RNF144B: variants seen among roughly 807,000 people sequenced by gnomAD.
RNF144B encodes ring finger protein 144B.
A neutral mutation model predicts 40.2 loss-of-function variants in RNF144B; 25 were observed. The observed-to-expected ratio is 0.62, with a 90% CI of 0.45 to 0.87. RNF144B has a LOEUF of 0.87. Ranked by LOEUF, RNF144B falls within the 40% of genes least tolerant of loss-of-function variation. RNF144B has a pLI of 0.00. For missense variants in RNF144B, 365 were observed against 373.7 expected, an observed-to-expected ratio of 0.98 and a Z score of 0.19; for synonymous variants, 145 against 136.3, an observed-to-expected ratio of 1.06 and a Z score of -0.44.
At chr6:18,454,496 A>G (rs757831431) in intron 4 of RNF144B, among the ~76,000 whole-genome samples, 5 of 152,210 alleles carry the variant, frequency 3.3e-5, no homozygotes, top group Non-Finnish European at 5.9e-5. Context: ...CCTAAGGAAT[A>G]AGGACTTCTA....
rs1008143191 is a variant in RNF144B, at chr6:18,466,909, T to C, written c.*1842T>C. ...ACATAGATGAGAACTCTGGGAAAAC[T>C]TGGGAATGGCAACCAACCAAAATCA... On this transcript the variant is annotated 3_prime_UTR_variant, in exon 8 of 8. Transcript: ENST00000259939. 3 of 152,586 alleles carry C rather than the reference T, an allele frequency of 2.0e-5. No homozygotes were observed. The highest frequency in any genetic ancestry group is 7.2e-5 in the African/African-American group (3 of 41,458). 9.5% of individuals were successfully genotyped at this position (152,586 alleles called of 1,614,324 possible). A position where few individuals can be genotyped will look rare whatever the true frequency, so the allele number is the denominator to read the frequency against.
Position 18,460,227 on chromosome 6 carries a change from C to G in RNF144B, c.681+476C>G, listed in dbSNP as rs542846101. Among the ~76,000 whole-genome samples, 2 of 152,186 alleles carry G rather than the reference C, an allele frequency of 1.3e-5. No homozygotes were observed. The highest frequency in any genetic ancestry group is 2.4e-5 in the African/African-American group (1 of 41,450). ...CTGTTTTCTTGCCTTGGAGGCTGTC[C>G]GCTTTCCTTGGCTTGTGGCCTCTTC... On this transcript the variant is annotated intron_variant, in intron 6 of 7. Transcript: ENST00000259939. This position sits in a 1 kb window ranked among gnomAD's most constrained non-coding sequence, Gnocchi z 4.4.
At chr6:18,413,221 C>T (rs1795082191) in intron 2 of RNF144B, among the ~76,000 whole-genome samples, 1 of 152,048 alleles carries the variant, frequency 6.6e-6, no homozygotes, top group East Asian at 1.9e-4. Context: ...TTTTTGTTAG[C>T]ATGAAAATGG....
At chr6:18,462,513 TAATCTC>T (rs1759477394) in intron 6 of RNF144B, among the ~76,000 whole-genome samples, 1 of 152,172 alleles carries the variant, frequency 6.6e-6, no homozygotes, top group Non-Finnish European at 1.5e-5. Flanking sequence ...TCTTCCTAGT[TAATCTC>T]AGTCTCTTCT....
intron 1 of RNF144B, among the ~76,000 whole-genome samples, chr6:18,389,253 G>T (rs1043225902): frequency 1.3e-5 from 2 of 152,144 alleles, no homozygotes; most frequent in African/African-American, 4.8e-5. Flanking sequence ...AACTAGGTCA[G>T]CTTAAGACAT....
At chr6:18,424,795 A>G (rs1582420198) in intron 2 of RNF144B, among the ~76,000 whole-genome samples, 1 of 152,188 alleles carries the variant, frequency 6.6e-6, no homozygotes. Context: ...AGAGCCTTGC[A>G]TAGAGGCACC....
At chr6:18,428,644 A>G (rs770647835) in intron 3 of RNF144B, among the ~76,000 whole-genome samples, 1 of 152,168 alleles carries the variant, frequency 6.6e-6, no homozygotes, top group Admixed American at 6.5e-5. Context: ...CAAGAAACAG[A>G]TGAAATCAGT....
chr6:18,392,795 G>C (rs72832417), intron 1 of RNF144B, among the ~76,000 whole-genome samples: 26,241 of 151,950 alleles, frequency 0.17, 2,653 homozygotes, highest in South Asian at 0.33. Context: ...TTATGCTAGA[G>C]GATATTTTCT....
chr6:18,414,724 A>G lies in RNF144B; in HGVS notation c.166-12857A>G, dbSNP rs1273224758. 1.3e-5 allele frequency among the ~76,000 whole-genome samples: 2 copies of G among 152,204 alleles called. No homozygotes were observed. The highest frequency in any genetic ancestry group is 2.9e-5 in the Non-Finnish European group (2 of 68,022). On this transcript the variant is annotated intron_variant, in intron 2 of 7. Transcript: ENST00000259939. This position sits in a 1 kb window ranked among gnomAD's most constrained non-coding sequence, Gnocchi z 4.9. ...ATTTCTGCTTTTAAGCAGTATTAAAATCTGAGATTTGATGAATGGTATAAA... is the reference window on the plus strand; with the variant it reads ...ATTTCTGCTTTTAAGCAGTATTAAAGTCTGAGATTTGATGAATGGTATAAA...
rs1051936465 is a variant in RNF144B, at chr6:18,434,685, G to A, written c.271-4999G>A. The stretch of plus-strand genomic sequence containing the variant: ...CGCCCAGGCTGGAATGCAGTGGTGC[G>A]ATCTCGGCTCACTGCAAGCTCCGCC... On this transcript the variant is annotated intron_variant, in intron 3 of 7. Transcript: ENST00000259939. This position sits in a 1 kb window ranked among gnomAD's most constrained non-coding sequence, Gnocchi z 4.1. Among the ~76,000 whole-genome samples the A allele has an allele frequency of 3.9e-5, 6 of 152,066 alleles. No homozygotes were observed. Among genetic ancestry groups the A allele is most frequent in the Admixed American group, 2.6e-4 (4 of 15,266 alleles).
intron 6 of RNF144B, 92 bp from the exon 7 acceptor site, chr6:18,463,198 AC>A: frequency 2.6e-6 from 2 of 777,980 alleles, no homozygotes; most frequent in South Asian, 3.0e-5. Context: ...CCAGAGAAAA[AC>A]TTTGCCTTCC....
chr6:18,439,644 T>C, intron 3 of RNF144B, 40 bp from the exon 4 acceptor site: 1 of 1,454,808 alleles, frequency 6.9e-7, no homozygotes, highest in Non-Finnish European at 9.7e-7. Context: ...CAGGGCACTA[T>C]GATGACTGAA....
chr6:18,446,840 G>GGT lies in RNF144B; in HGVS notation c.331+7129_331+7130dup, dbSNP rs70974744. 0.25 allele frequency among the ~76,000 whole-genome samples: 36,823 copies of GGT among 147,734 alleles called. 4,633 individuals are homozygous for GGT. Among genetic ancestry groups the GGT allele is most frequent in the East Asian group, 0.42 (2,084 of 4,924 alleles). Reference sequence around the variant, plus strand: ...TAAAGTTTTATTGGTTCTATTTTAGGGTGTGTGTGTGTGTGTGTGTGTGTG... The same window carrying GGT: ...TAAAGTTTTATTGGTTCTATTTTAGGGTGTGTGTGTGTGTGTGTGTGTGTGTG... On this transcript the variant is annotated intron_variant, in intron 4 of 7. Coordinates refer to ENST00000259939, the MANE Select transcript of RNF144B (RefSeq NM_182757.4). The surrounding 1 kb of genome is among the most constrained non-coding windows in gnomAD (Gnocchi z 4.7).
chr6:18,415,386 G>A (rs12524130), intron 2 of RNF144B, among the ~76,000 whole-genome samples: 6,163 of 152,192 alleles, frequency 0.04, 223 homozygotes, highest in Admixed American at 0.11. Flanking sequence ...GCGGCTCTCT[G>A]CTTCCAAGAT....
Position 18,447,294 on chromosome 6 carries a change from C to G in RNF144B, c.331+7550C>G, listed in dbSNP as rs563750141. 7.9e-5 allele frequency among the ~76,000 whole-genome samples: 12 copies of G among 152,118 alleles called. No homozygotes were observed. The highest frequency in any genetic ancestry group is 2.2e-4 in the African/African-American group (9 of 41,508). ...GCAGAGGTAAAGGTACCTACAAAGC[C>G]CCTGAGGCAAGAACAAGCCTGGTTT... On this transcript the variant is annotated intron_variant, in intron 4 of 7. Coordinates refer to ENST00000259939, the MANE Select transcript of RNF144B (RefSeq NM_182757.4). This position sits in a 1 kb window ranked among gnomAD's most constrained non-coding sequence, Gnocchi z 5.6.
intron 2 of RNF144B, among the ~76,000 whole-genome samples, chr6:18,411,635 C>T (rs1370343983): frequency 1.3e-5 from 2 of 150,390 alleles, no homozygotes; most frequent in Non-Finnish European, 1.5e-5. Context: ...TCCCAAGTAG[C>T]TGGGATTACA....
At chr6:18,388,237 T>C (rs1219215388) in intron 1 of RNF144B, among the ~76,000 whole-genome samples, 1 of 152,218 alleles carries the variant, frequency 6.6e-6, no homozygotes, top group Non-Finnish European at 1.5e-5. Context: ...CATGTTCTCA[T>C]AACAGACTGT....
At chr6:18,462,778 C>A (rs760383100) in intron 6 of RNF144B, among the ~76,000 whole-genome samples, 9 of 152,062 alleles carry the variant, frequency 5.9e-5, no homozygotes, top group Non-Finnish European at 1.2e-4. Flanking sequence ...CCAACAAACT[C>A]CATCTCTATG....
In RNF144B at chr6:18,409,367, G is replaced by A. The variant is rs1398468851; in HGVS notation, c.165+9668G>A. Among the ~76,000 whole-genome samples the A allele has an allele frequency of 8.6e-5, 8 of 92,562 alleles. No homozygotes were observed. In the Admixed American group the frequency reaches 1.3e-3, roughly 15 times the overall value. 60.7% of individuals were successfully genotyped at this position (92,562 alleles called of 152,430 possible). A position where few individuals can be genotyped will look rare whatever the true frequency, so the allele number is the denominator to read the frequency against. On this transcript the variant is annotated intron_variant, in intron 2 of 7. Coordinates refer to ENST00000259939, the MANE Select transcript of RNF144B (RefSeq NM_182757.4). ...CACTCCAGCCCGGGCACCTGAGTGA[G>A]ACTGTCTCAAAAAAAAAAAAAAAAA...
Sources: gnomAD v4.1 joint callset for allele counts (sites outside exome capture counted in the v4.1 genomes callset) on GRCh38, gnomAD v4.1.1 for gene constraint, Gnocchi (gnomAD v3.1) non-coding constraint, MANE v1.5 for transcripts, NCBI Gene and HGNC (gene_info 2026-07-23, HGNC 2026-07-21) for gene names.